The following TMPRSS7 variants were observed in gnomAD, a reference collection of about 807,000 sequenced individuals.
The protein encoded by TMPRSS7 is transmembrane serine protease 7.
In TMPRSS7, 81 loss-of-function variants were observed where a neutral mutation model predicts 95.6. That is an observed-to-expected ratio of 0.85 (90% CI 0.71 to 1.02). The LOEUF (loss-of-function observed/expected upper bound fraction) is 1.02. Among genes scored for constraint, TMPRSS7 ranks in the 50% least tolerant of loss-of-function variants. The probability of loss-of-function intolerance (pLI) is 0.00; values close to 1 mark genes in which losing one functional copy is unlikely to be tolerated. For synonymous variants in TMPRSS7, 364 were observed against 337.8 expected (o/e 1.08, Z -0.85); for missense variants, 945 against 955.2 (o/e 0.99, Z 0.14).
At chr3:112,063,798 A>G (rs340144) in intron 12 of TMPRSS7, among the ~76,000 whole-genome samples, 166 bp downstream of exon 12, 3 of 152,190 alleles carry the variant, frequency 2.0e-5, no homozygotes, top group African/African-American at 7.2e-5. Flanking sequence ...TTGATCATGC[A>G]TCTGTGGATT....
At chr3:112,070,054 C>G (rs1055843625) in intron 13 of TMPRSS7, among the ~76,000 whole-genome samples, 7 of 152,192 alleles carry the variant, frequency 4.6e-5, no homozygotes, top group African/African-American at 7.2e-5. Flanking sequence ...TTTCAAAGAA[C>G]ATCTTTATTT....
intron 9 of TMPRSS7, among the ~76,000 whole-genome samples, chr3:112,054,417 C>G (rs1438751363): frequency 6.6e-6 from 1 of 152,184 alleles, no homozygotes; most frequent in Non-Finnish European, 1.5e-5. Flanking sequence ...CATTGTGAAA[C>G]TAAATGTCAC....
chr3:112,056,584 C>T (rs2107748498), intron 9 of TMPRSS7, among the ~76,000 whole-genome samples: 1 of 152,318 alleles, frequency 6.6e-6, no homozygotes, highest in Non-Finnish European at 1.5e-5. Context: ...GGGTGACTCA[C>T]TAACAGCCTT....
chr3:112,052,727 GA>G (rs2073378587), intron 9 of TMPRSS7, among the ~76,000 whole-genome samples: 1 of 152,166 alleles, frequency 6.6e-6, no homozygotes, highest in Non-Finnish European at 1.5e-5. Flanking sequence ...TGTGATAGCA[GA>G]AAAAGACAGT....
At chr3:112,081,075 T>C in exon 18 of TMPRSS7, 1 of 1,598,340 alleles carries the variant, frequency 6.3e-7, no homozygotes, top group Middle Eastern at 1.7e-4. Flanking sequence ...ATGTCCCTTC[T>C]CTTTTGTAAT....
chr3:112,060,268 T>A (rs2073484645), intron 10 of TMPRSS7, among the ~76,000 whole-genome samples: 2 of 152,310 alleles, frequency 1.3e-5, no homozygotes, highest in African/African-American at 4.8e-5. Flanking sequence ...AAATTGCTAA[T>A]GAAGTTTCGG....
intron 14 of TMPRSS7, 88 bp downstream of exon 14, chr3:112,074,500 C>T: frequency 9.8e-7 from 1 of 1,017,590 alleles, no homozygotes. Flanking sequence ...TGGTGTATTT[C>T]CCTTGATCGA....
chr3:112,049,105 G>C (rs1171591481), intron 7 of TMPRSS7, among the ~76,000 whole-genome samples: 1 of 152,200 alleles, frequency 6.6e-6, no homozygotes, highest in Non-Finnish European at 1.5e-5. Context: ...GGATTGGCTG[G>C]GGGTCAAGCC....
At chr3:112,069,899 A>T (rs1235828716) in intron 13 of TMPRSS7, among the ~76,000 whole-genome samples, 1 of 151,806 alleles carries the variant, frequency 6.6e-6, no homozygotes, top group Non-Finnish European at 1.5e-5. Flanking sequence ...TTGCTTCCCT[A>T]GTTCTTTTAA....
exon 18 of TMPRSS7, chr3:112,081,022 G>C (rs1179354248): frequency 6.2e-7 from 1 of 1,613,600 alleles, no homozygotes; most frequent in East Asian, 2.2e-5. Context: ...CTTTCCTGGT[G>C]TTTACACAAG....
intron 2 of TMPRSS7, among the ~76,000 whole-genome samples, chr3:112,041,606 A>G (rs2073209829): frequency 6.6e-6 from 1 of 152,222 alleles, no homozygotes; most frequent in African/African-American, 2.4e-5. Context: ...TAAAGGAGAC[A>G]GAGAGAAATT....
At chr3:112,041,077 C>CA (rs35859400) in intron 2 of TMPRSS7, among the ~76,000 whole-genome samples, 51,371 of 122,846 alleles carry the variant, frequency 0.42, 9,103 homozygotes, top group East Asian at 0.61. Context: ...AGTCTGCAAC[C>CA]AAAAAAAAAA....
intron 13 of TMPRSS7, among the ~76,000 whole-genome samples, chr3:112,072,551 G>T (rs59888587): frequency 0.03 from 4,566 of 152,332 alleles, 192 homozygotes; most frequent in African/African-American, 0.088. Context: ...TGCTGCCTTT[G>T]GTTCAGCTAT....
intron 8 of TMPRSS7, 109 bp downstream of exon 8, chr3:112,050,083 A>T (rs2073326727): frequency 1.8e-6 from 2 of 1,106,878 alleles, no homozygotes; most frequent in Non-Finnish European, 1.2e-6. Context: ...TTAGTCTGGG[A>T]CTCTGAATAA....
intron 8 of TMPRSS7, among the ~76,000 whole-genome samples, chr3:112,050,250 C>T (rs184265677): frequency 2.0e-5 from 3 of 152,176 alleles, no homozygotes; most frequent in East Asian, 1.9e-4. Flanking sequence ...CAGAAAGTAA[C>T]TATCATCCCT....
intron 8 of TMPRSS7, 42 bp downstream of exon 8, chr3:112,050,016 T>C (rs2073326065): frequency 6.0e-6 from 9 of 1,503,392 alleles, no homozygotes; most frequent in African/African-American, 1.4e-5. Context: ...TTTAGAAATA[T>C]TTGTAATGAT....
intron 2 of TMPRSS7, among the ~76,000 whole-genome samples, chr3:112,038,696 G>A (rs1003801608): frequency 3.3e-5 from 5 of 152,138 alleles, no homozygotes; most frequent in African/African-American, 1.2e-4. Flanking sequence ...TGCCCAGGCT[G>A]GTCCCAAACT....
In TMPRSS7 at chr3:112,051,897, G is replaced by A. The variant is rs567472243; in HGVS notation, c.1203+1114G>A. 7.9e-5 allele frequency among the ~76,000 whole-genome samples: 12 copies of A among 152,180 alleles called. No individual in the cohort carries two copies. The South Asian group carries it at 2.3e-3, about 29-fold the overall frequency. ...TAGCAATTAGATGAATTAGATGTAA[G>A]TGGCAAGCAGTATGTTGTTTGCGTT... On this transcript the variant is annotated intron_variant, in intron 9 of 17. Transcript: ENST00000452346.
At chr3:112,043,530 T>C (rs1226086203) in intron 3 of TMPRSS7, among the ~76,000 whole-genome samples, 1 of 152,232 alleles carries the variant, frequency 6.6e-6, no homozygotes, top group Non-Finnish European at 1.5e-5. Context: ...TTTCACAGCT[T>C]ATATTGTTTC....
Sources: gnomAD v4.1 joint callset for allele counts (sites outside exome capture counted in the v4.1 genomes callset) on GRCh38, gnomAD v4.1.1 for gene constraint, MANE v1.5 for transcripts, NCBI Gene and HGNC (gene_info 2026-07-23, HGNC 2026-07-21) for gene names.